UBE2E3: variants seen among roughly 807,000 people sequenced by gnomAD.
UBE2E3 encodes the protein ubiquitin-conjugating enzyme E2 E3.
UBE2E3 carries 5 observed loss-of-function variants against 23.6 expected under a neutral mutation model. That is an observed-to-expected ratio of 0.21 (90% CI 0.11 to 0.44). The LOEUF (loss-of-function observed/expected upper bound fraction) is 0.44. Among genes scored for constraint, UBE2E3 ranks in the 20% least tolerant of loss-of-function variants. The pLI is 0.99. For synonymous variants in UBE2E3, 78 were observed against 87.5 expected, an observed-to-expected ratio of 0.89 and a Z score of 0.60; for missense variants, 81 against 249.8, an observed-to-expected ratio of 0.32 and a Z score of 4.55.
chr2:181,035,235 T>C (rs761159493), intron 3 of UBE2E3, among the ~76,000 whole-genome samples: 8 of 152,172 alleles, frequency 5.3e-5, no homozygotes, highest in Non-Finnish European at 1.0e-4. Context: ...CCTACACCTA[T>C]TATACTATGA....
At chr2:181,023,135 C>T in intron 3 of UBE2E3, among the ~76,000 whole-genome samples, 1 of 152,140 alleles carries the variant, frequency 6.6e-6, no homozygotes. Context: ...TGGGGCCGCG[C>T]CCCAATAAAC....
At chr2:180,998,392 G>C (rs2105587320) in intron 3 of UBE2E3, among the ~76,000 whole-genome samples, 1 of 152,200 alleles carries the variant, frequency 6.6e-6, no homozygotes, top group Non-Finnish European at 1.5e-5. Flanking sequence ...GATTCAGGTA[G>C]TAGTGTGAGA....
chr2:180,986,944 T>C (rs573216546), intron 3 of UBE2E3, among the ~76,000 whole-genome samples: 5 of 152,282 alleles, frequency 3.3e-5, no homozygotes, highest in East Asian at 1.9e-4. Context: ...TATATAGTTA[T>C]GTCTAGTACA....
At chr2:181,056,492 C>T (rs907021682) in intron 3 of UBE2E3, among the ~76,000 whole-genome samples, 2 of 151,686 alleles carry the variant, frequency 1.3e-5, no homozygotes, top group Non-Finnish European at 2.9e-5. Flanking sequence ...CAAGAGGAAG[C>T]AAGAGAGAGA....
chr2:181,025,389 T>C (rs1296399984), intron 3 of UBE2E3, among the ~76,000 whole-genome samples: 1 of 85,302 alleles, frequency 1.2e-5, no homozygotes, highest in Non-Finnish European at 2.4e-5. Context: ...ATTTTGTCAT[T>C]GAAGATATTA....
chr2:181,056,089 A>C (rs1348186961), intron 3 of UBE2E3, among the ~76,000 whole-genome samples: 1 of 151,500 alleles, frequency 6.6e-6, no homozygotes, highest in Non-Finnish European at 1.5e-5. Context: ...CTTAAAAAAA[A>C]AAAAAAAAAA....
chr2:181,059,871 A>T (rs947860450), intron 4 of UBE2E3, among the ~76,000 whole-genome samples: 2 of 151,636 alleles, frequency 1.3e-5, no homozygotes, highest in Non-Finnish European at 3.0e-5. Flanking sequence ...TTTTGCGCTC[A>T]CAGTACACTG....
chr2:180,988,882 C>G (rs891320884), intron 3 of UBE2E3, among the ~76,000 whole-genome samples: 12 of 151,828 alleles, frequency 7.9e-5, no homozygotes, highest in Admixed American at 5.9e-4. Flanking sequence ...CATTAGTTAT[C>G]TAGTCCTTTT....
chr2:181,018,105 T>C (rs1161576709), intron 3 of UBE2E3, among the ~76,000 whole-genome samples: 2 of 152,186 alleles, frequency 1.3e-5, no homozygotes, highest in African/African-American at 2.4e-5. Flanking sequence ...GCTTCACTTA[T>C]GCCTGTGGGA....
intron 3 of UBE2E3, among the ~76,000 whole-genome samples, chr2:181,021,566 T>TCCTTCCTCCCTCCCTCCCTTCCTCCCTC (rs1685684402): frequency 2.2e-4 from 22 of 101,936 alleles, no homozygotes; most frequent in African/African-American, 9.6e-4. Context: ...CTTCCTTCCT[T>TCCTTCCTCCCTCCCTCCCTTCCTCCCTC]CCTTCCTCCC....
intron 3 of UBE2E3, among the ~76,000 whole-genome samples, chr2:181,040,002 CTG>C (rs1338948374): frequency 6.6e-6 from 1 of 152,048 alleles, no homozygotes; most frequent in African/African-American, 2.4e-5. Context: ...TTGGTTGAAT[CTG>C]TGTATGTAGA....
chr2:181,041,348 C>T (rs1437392070), intron 3 of UBE2E3, among the ~76,000 whole-genome samples: 2 of 151,108 alleles, frequency 1.3e-5, no homozygotes, highest in Non-Finnish European at 2.9e-5. Flanking sequence ...GTAATAGAAG[C>T]TTAGAACATA....
chr2:181,047,309 T>G (rs1473925638), intron 3 of UBE2E3, among the ~76,000 whole-genome samples: 1 of 152,132 alleles, frequency 6.6e-6, no homozygotes, highest in African/African-American at 2.4e-5. Context: ...TCTCGCCTTC[T>G]TACTCTGTAC....
intron 3 of UBE2E3, among the ~76,000 whole-genome samples, chr2:181,033,094 G>C (rs868608611): frequency 6.6e-6 from 1 of 152,112 alleles, no homozygotes; most frequent in African/African-American, 2.4e-5. Context: ...TGTAAAAACG[G>C]CCATACTGCC....
chr2:181,029,659 CTTTT>C (rs61149975), intron 3 of UBE2E3, among the ~76,000 whole-genome samples: 24,855 of 117,014 alleles, frequency 0.21, 2,267 homozygotes, highest in Non-Finnish European at 0.24. Context: ...TGTAGACAAT[CTTTT>C]TTTTTTTTTT....
chr2:181,054,787 A>G (rs1217746708), intron 3 of UBE2E3, among the ~76,000 whole-genome samples: 1 of 151,768 alleles, frequency 6.6e-6, no homozygotes, highest in Non-Finnish European at 1.5e-5. Context: ...AAAACTGCAT[A>G]AGATAACCAA....
At chr2:181,054,346 A>T (rs1047833447) in intron 3 of UBE2E3, among the ~76,000 whole-genome samples, 1 of 151,738 alleles carries the variant, frequency 6.6e-6, no homozygotes, top group Non-Finnish European at 1.5e-5. Context: ...ACCATTTTGT[A>T]TTCTCCACTA....
intron 3 of UBE2E3, among the ~76,000 whole-genome samples, chr2:181,024,263 G>C (rs777413963): frequency 2.0e-5 from 3 of 152,122 alleles, no homozygotes; most frequent in Non-Finnish European, 4.4e-5. Flanking sequence ...CACTTTATGT[G>C]AGAGTAAAAC....
intron 3 of UBE2E3, among the ~76,000 whole-genome samples, chr2:181,045,508 G>C (rs564794670): frequency 6.6e-6 from 1 of 152,156 alleles, no homozygotes; most frequent in South Asian, 2.1e-4. Context: ...CATTCTTTCT[G>C]CATATCTGCT....
Sources: allele counts gnomAD v4.1 joint callset (sites outside exome capture counted in the v4.1 genomes callset), GRCh38; gene constraint gnomAD v4.1.1; transcripts MANE v1.5; gene names NCBI Gene and HGNC (gene_info 2026-07-23, HGNC 2026-07-21).